TFB1M: variants seen among roughly 807,000 people sequenced by gnomAD.
The protein encoded by TFB1M is dimethyladenosine transferase 1, mitochondrial.
In TFB1M, 27 loss-of-function variants were observed where a neutral mutation model predicts 31.1. That is an observed-to-expected ratio of 0.87 (90% confidence interval 0.64 to 1.20). TFB1M has a LOEUF of 1.20. TFB1M is among the 50% of genes most tolerant of loss of function. TFB1M has a pLI of 0.00. For synonymous variants in TFB1M, 166 were observed against 151.8 expected (o/e 1.09, Z -0.69); for missense variants, 394 against 418.7 (o/e 0.94, Z 0.51).
rs1437620958 is a variant in TFB1M at position 155,256,289 on chromosome 6, C to G, written c.*1547G>C. 1 of 759,264 alleles carries G rather than the reference C, an allele frequency of 1.3e-6. No homozygotes were observed. Among genetic ancestry groups the G allele is most frequent in the East Asian group, 2.7e-5 (1 of 37,274 alleles). 47.0% of individuals were successfully genotyped at this position (759,264 alleles called of 1,614,324 possible). A position where few individuals can be genotyped will look rare whatever the true frequency, so the allele number is the denominator to read the frequency against. On this transcript the variant is annotated 3_prime_UTR_variant, in exon 7 of 7. Transcript: ENST00000367166. ...TAAAAATGCTGAATTGCCTAACTTA[C>G]AACTGTAAACCTAAGTCAAAAATGT...
At position 155,256,288 on chromosome 6, in the gene TFB1M, A is replaced by T; in HGVS notation, c.*1548T>A. 1.3e-6 allele frequency: 1 copy of T among 744,900 alleles called. No individual in the cohort carries two copies. Among genetic ancestry groups the T allele is most frequent in the Non-Finnish European group, 2.1e-6 (1 of 466,226 alleles). 46.1% of individuals were successfully genotyped at this position (744,900 alleles called of 1,614,324 possible). On this transcript the variant is annotated 3_prime_UTR_variant, in exon 7 of 7. Transcript: ENST00000367166. ...CTAAAAATGCTGAATTGCCTAACTT[A>T]CAACTGTAAACCTAAGTCAAAAATG...
intron 4 of TFB1M, among the ~76,000 whole-genome samples, chr6:155,290,845 T>C (rs1164790200): frequency 6.6e-6 from 1 of 152,184 alleles, no homozygotes; most frequent in Non-Finnish European, 1.5e-5. Flanking sequence ...ATTTGGACTT[T>C]GTCGCTGGCT....
intron 2 of TFB1M, among the ~76,000 whole-genome samples, chr6:155,305,270 TTA>T (rs1160760356): frequency 0.019 from 523 of 27,874 alleles, 188 homozygotes; most frequent in African/African-American, 0.02. Context: ...AATTATATAT[TTA>T]TATATATATA....
chr6:155,314,403 G>A lies in TFB1M; in HGVS notation c.26C>T (p.Thr9Ile), dbSNP rs775651158. ...CGTGGGCAACGGAGGGAGACGGCAA[G>A]TGCTGAGTTTTCCGGAGGCAGCCAT... is the stretch of plus-strand genomic sequence containing the variant. MAASGKLS[T>I]CRLPPLPTIR... is the part of the protein sequence containing the mutation. The change falls in exon 1 of 7, where the codon ACT becomes ATT. Residue 9 changes from threonine (T) to isoleucine (I), a missense_variant. This residue lies in a region of TFB1M where 273 missense variants were observed against 256.4 expected (regional missense o/e 1.06). Coordinates refer to ENST00000367166, the MANE Select transcript of TFB1M (RefSeq NM_016020.4). The A allele has an allele frequency of 1.1e-5, 17 of 1,614,144 alleles. No homozygotes were observed. The highest frequency in any genetic ancestry group is 6.7e-5 in the African/African-American group (5 of 74,960).
At chr6:155,291,610 T>A (rs1021616066) in intron 4 of TFB1M, among the ~76,000 whole-genome samples, 2 of 152,232 alleles carry the variant, frequency 1.3e-5, no homozygotes, top group African/African-American at 4.8e-5. Flanking sequence ...TTGGCATGAC[T>A]GACATCTTGG....
At chr6:155,307,622 T>A (rs574358534) in intron 2 of TFB1M, among the ~76,000 whole-genome samples, 2 of 152,212 alleles carry the variant, frequency 1.3e-5, no homozygotes, top group East Asian at 3.9e-4. Context: ...CCAAACCATA[T>A]CACAAAGTAT....
At chr6:155,235,578 C>T in the TFB1M span, among the ~76,000 whole-genome samples, 2 of 152,268 alleles carry the variant, frequency 1.3e-5, no homozygotes, top group African/African-American at 4.8e-5. Context: ...CCTTCAGCTA[C>T]AATCTGAAAA....
In TFB1M at chr6:155,296,970, G is replaced by A; in HGVS notation, c.529C>T (p.Gln177Ter). 6.2e-7 allele frequency: 1 copy of A among 1,613,916 alleles called. No homozygotes were observed. ...AAACTTACCTCTGCCACTTCCTTTT[G>A]AAAAGTCAAAGTCATCTGAGTTCTG... is the stretch of plus-strand genomic sequence containing the variant. The part of the protein sequence containing the change: ...YGRTQMTLTF[Q>*]KEVAERLAAN... The change falls in exon 4 of 7, where the codon CAA (glutamine) becomes TAA (stop). Residue 177 changes from glutamine (Q) to a stop codon, truncating the protein, a stop_gained. Transcript: ENST00000367166. LOFTEE classifies it high-confidence loss of function.
At chr6:155,235,337 A>G in the TFB1M span, among the ~76,000 whole-genome samples, 3 of 152,198 alleles carry the variant, frequency 2.0e-5, no homozygotes, top group African/African-American at 7.2e-5. Flanking sequence ...TAGAATCGAG[A>G]CTTGCCCAGG....
chr6:155,262,318 C>A (rs1279769854), intron 5 of TFB1M, among the ~76,000 whole-genome samples: 1 of 152,214 alleles, frequency 6.6e-6, no homozygotes, highest in Admixed American at 6.5e-5. Flanking sequence ...TTCCCACAAA[C>A]TCTGAACTAT....
rs189620402 is a variant in TFB1M at position 155,260,233 on chromosome 6, T to G, written c.794+40A>C. ...ACTCTTAAAAAGTGCCTGAGGATTT[T>G]ATAAAGACTGCAACTGAAGAGAAGA... On this transcript the variant is annotated intron_variant, in intron 6 of 6. Coordinates refer to ENST00000367166, the MANE Select transcript of TFB1M (RefSeq NM_016020.4). 25 of 1,612,480 alleles carry G rather than the reference T, an allele frequency of 1.6e-5. No homozygotes were observed. In the East Asian group the frequency reaches 5.1e-4, roughly 33 times the overall value.
At chr6:155,313,844 A>C (rs1405064382) in intron 1 of TFB1M, among the ~76,000 whole-genome samples, 2 of 152,234 alleles carry the variant, frequency 1.3e-5, no homozygotes, top group African/African-American at 4.8e-5. Flanking sequence ...TTAAAAAACG[A>C]ATCATACGAG....
At chr6:155,307,435 C>A (rs1053974861) in intron 2 of TFB1M, among the ~76,000 whole-genome samples, 7 of 152,066 alleles carry the variant, frequency 4.6e-5, no homozygotes, top group African/African-American at 1.7e-4. Context: ...AAAGAGAGAG[C>A]TTGTGCAGGT....
chr6:155,263,999 T>C (rs1249852997), intron 5 of TFB1M: 2 of 148,508 alleles, frequency 1.3e-5, no homozygotes, highest in East Asian at 3.9e-4. Context: ...AAGAACAACA[T>C]ATAAGAAGGA....
the TFB1M span, among the ~76,000 whole-genome samples, chr6:155,236,875 A>G: frequency 6.6e-6 from 1 of 152,164 alleles, no homozygotes; most frequent in African/African-American, 2.4e-5. Flanking sequence ...TGGGAGCTAC[A>G]AGATGGGATT....
chr6:155,286,444 T>C (rs1013487041), intron 4 of TFB1M, among the ~76,000 whole-genome samples: 3 of 150,800 alleles, frequency 2.0e-5, no homozygotes, highest in African/African-American at 7.3e-5. Context: ...TGTCTTTTCT[T>C]ATATAGCTTT....
chr6:155,299,212 C>T (rs548366575), intron 2 of TFB1M, among the ~76,000 whole-genome samples: 6 of 152,124 alleles, frequency 3.9e-5, no homozygotes, highest in Non-Finnish European at 8.8e-5. Context: ...TTAACAATAG[C>T]TACTTCCCAA....
chr6:155,290,834 T>C (rs1482057400), intron 4 of TFB1M, among the ~76,000 whole-genome samples: 1 of 152,172 alleles, frequency 6.6e-6, no homozygotes, highest in African/African-American at 2.4e-5. Context: ...ATAAGAAATA[T>C]ATTTGGACTT....
chr6:155,313,255 GA>G (rs79295369), intron 1 of TFB1M: 4,079 of 104,002 alleles, frequency 0.039, 194 homozygotes, highest in African/African-American at 0.13. Flanking sequence ...CTTAAAAAAA[GA>G]AAAAAAAAAA....
Sources: gnomAD v4.1 joint callset for allele counts (sites outside exome capture counted in the v4.1 genomes callset) on GRCh38, gnomAD v4.1.1 for gene constraint, gnomAD v4.1.1 regional missense constraint, MANE v1.5 for transcripts, NCBI Gene and HGNC (gene_info 2026-07-23, HGNC 2026-07-21) for gene names.